SIPA1L1: variants seen among roughly 807,000 people sequenced by gnomAD.
SIPA1L1 encodes the protein signal-induced proliferation-associated 1-like protein 1.
A neutral mutation model predicts 162.7 loss-of-function variants in SIPA1L1; 26 were observed. The ratio of observed to expected loss-of-function variants is 0.16; its 90% confidence interval spans 0.12 to 0.22. SIPA1L1 has a LOEUF of 0.22. Ranked by LOEUF, SIPA1L1 falls within the 10% of genes least tolerant of loss-of-function variation. The pLI, the probability that SIPA1L1 is intolerant of heterozygous loss-of-function variation, is 1.00. For missense variants in SIPA1L1, 1,874 were observed against 2,241.0 expected (o/e 0.84, Z 3.31); for synonymous variants, 829 against 837.4 (o/e 0.99, Z 0.17).
intron 2 of SIPA1L1, among the ~76,000 whole-genome samples, chr14:71,499,675 G>C (rs950583879): frequency 6.6e-6 from 1 of 152,180 alleles, no homozygotes; most frequent in Admixed American, 6.5e-5. Context: ...GGTGATTGAT[G>C]TGCTAAATAA....
chr14:71,737,991 T>C (rs2152877490), intron 22 of SIPA1L1, among the ~76,000 whole-genome samples: 1 of 152,282 alleles, frequency 6.6e-6, no homozygotes, highest in Admixed American at 6.5e-5. Flanking sequence ...TCTTTAGTCG[T>C]GAGGATGCAG....
intron 2 of SIPA1L1, among the ~76,000 whole-genome samples, chr14:71,353,961 C>T (rs2036969103): frequency 6.6e-6 from 1 of 151,596 alleles, no homozygotes; most frequent in Non-Finnish European, 1.5e-5. Flanking sequence ...ATTCGAATAC[C>T]AAAAGAATAG....
chr14:71,598,327 T>C, intron 5 of SIPA1L1: 1 of 559,986 alleles, frequency 1.8e-6, no homozygotes, highest in Non-Finnish European at 2.3e-6. Flanking sequence ...TTGCATGATC[T>C]CCAGGTATCT....
At chr14:71,483,377 A>T (rs1354537574) in intron 2 of SIPA1L1, among the ~76,000 whole-genome samples, 1 of 152,148 alleles carries the variant, frequency 6.6e-6, no homozygotes, top group Non-Finnish European at 1.5e-5. Context: ...TCTTTGTGAA[A>T]ATGTCTCCTA....
intron 2 of SIPA1L1, among the ~76,000 whole-genome samples, chr14:71,435,361 T>C (rs1286137186): frequency 6.6e-6 from 1 of 152,096 alleles, no homozygotes; most frequent in Admixed American, 6.6e-5. Flanking sequence ...GTGTGTGATG[T>C]TCCCCTTCCT....
chr14:71,456,278 C>T (rs977885062), intron 2 of SIPA1L1, among the ~76,000 whole-genome samples: 1 of 152,158 alleles, frequency 6.6e-6, no homozygotes, highest in Admixed American at 6.5e-5. Flanking sequence ...AGAACAGACA[C>T]GCATTAACTG....
intron 2 of SIPA1L1, chr14:71,330,201 T>C (rs1417546524): frequency 1.0e-5 from 6 of 594,184 alleles, no homozygotes; most frequent in East Asian, 3.1e-5. Context: ...GTTTGGGTAA[T>C]GAAGTTGGTT....
At chr14:71,615,409 C>A (rs1300737814) in intron 5 of SIPA1L1, among the ~76,000 whole-genome samples, 1 of 152,142 alleles carries the variant, frequency 6.6e-6, no homozygotes, top group East Asian at 1.9e-4. Context: ...TTAGAAGGGT[C>A]ATCTGGCAGG....
chr14:71,480,122 G>C lies in SIPA1L1; in HGVS notation c.-464-32621G>C, dbSNP rs562927679. Among the ~76,000 whole-genome samples the C allele has an allele frequency of 9.0e-4, 132 of 147,020 alleles. 1 individual carries two copies. The highest frequency in any genetic ancestry group is 1.7e-3 in the Non-Finnish European group (113 of 66,990). ...TTTTGAGACGGAGTCTTGCTCTGTT[G>C]CCCAGGCTGGAGTGCAGTTGTGTGA... On this transcript the variant is annotated intron_variant, in intron 2 of 23. Coordinates refer to ENST00000381232, the MANE Select transcript of SIPA1L1 (RefSeq NM_001386936.1).
intron 2 of SIPA1L1, among the ~76,000 whole-genome samples, chr14:71,361,838 C>G (rs2037843655): frequency 6.6e-6 from 1 of 152,152 alleles, no homozygotes; most frequent in Non-Finnish European, 1.5e-5. Flanking sequence ...ATTTAAGATT[C>G]AGTTGGGCAG....
At position 71,733,823 on chromosome 14, in the gene SIPA1L1, T is replaced by C; in HGVS notation, c.5008+11T>C. The C allele has an allele frequency of 1.9e-6, 3 of 1,611,080 alleles. No individual in the cohort carries two copies. ...CCAAAGCCTATGAGGGTGAGTCCACTGAATCCACACAAGACAGCCCAGGAT... is the reference window on the plus strand; with the variant it reads ...CCAAAGCCTATGAGGGTGAGTCCACCGAATCCACACAAGACAGCCCAGGAT... On this transcript the variant is annotated intron_variant, in intron 21 of 23. Coordinates refer to ENST00000381232, the MANE Select transcript of SIPA1L1 (RefSeq NM_001386936.1).
chr14:71,397,052 G>T (rs773584596), intron 2 of SIPA1L1, among the ~76,000 whole-genome samples: 11 of 152,156 alleles, frequency 7.2e-5, no homozygotes, highest in Non-Finnish European at 1.6e-4. Flanking sequence ...CCTCTGTGTG[G>T]CTAATGGATG....
chr14:71,346,957 CTT>C (rs111518020), intron 2 of SIPA1L1, among the ~76,000 whole-genome samples: 11 of 142,632 alleles, frequency 7.7e-5, no homozygotes, highest in Non-Finnish European at 9.3e-5. Context: ...AATATGTAGT[CTT>C]TTTTTTTTTT....
chr14:71,738,700 A>G (rs1256692141), intron 23 of SIPA1L1, among the ~76,000 whole-genome samples: 2 of 152,148 alleles, frequency 1.3e-5, no homozygotes, highest in Admixed American at 1.3e-4. Flanking sequence ...TTGACTATAT[A>G]TCAAGACATC....
intron 7 of SIPA1L1, among the ~76,000 whole-genome samples, chr14:71,639,828 G>A (rs1345591370): frequency 6.6e-6 from 1 of 152,192 alleles, no homozygotes; most frequent in African/African-American, 2.4e-5. Context: ...GTGGAGGAAG[G>A]ATAGGCTTTT....
intron 4 of SIPA1L1, among the ~76,000 whole-genome samples, chr14:71,560,647 C>T (rs931394079): frequency 6.6e-6 from 1 of 152,186 alleles, no homozygotes; most frequent in African/African-American, 2.4e-5. Flanking sequence ...TAGAAAATTC[C>T]TGATGTATCT....
chr14:71,476,822 C>T (rs959899523), intron 2 of SIPA1L1, among the ~76,000 whole-genome samples: 14 of 151,962 alleles, frequency 9.2e-5, no homozygotes, highest in South Asian at 6.2e-4. Flanking sequence ...GGACTACAGG[C>T]GCCTGCCACC....
chr14:71,733,354 T>G (rs961067300), intron 20 of SIPA1L1, among the ~76,000 whole-genome samples: 2 of 152,246 alleles, frequency 1.3e-5, no homozygotes, highest in African/African-American at 4.8e-5. Context: ...TAGATGCTAG[T>G]GCTGCCTAGG....
intron 4 of SIPA1L1, among the ~76,000 whole-genome samples, chr14:71,552,815 A>C (rs950301026): frequency 2.0e-5 from 3 of 152,002 alleles, no homozygotes; most frequent in African/African-American, 4.8e-5. Flanking sequence ...TTCCTTCCTT[A>C]CTTTGACCTA....
Sources: gnomAD v4.1 joint callset for allele counts (sites outside exome capture counted in the v4.1 genomes callset) on GRCh38, gnomAD v4.1.1 for gene constraint, MANE v1.5 for transcripts, NCBI Gene and HGNC (gene_info 2026-07-23, HGNC 2026-07-21) for gene names.